Variants in VPS8 observed in about 807,000 individuals in gnomAD.
The protein encoded by VPS8 is VPS8 subunit of CORVET complex, also known as vacuolar protein sorting-associated protein 8 homolog.
In VPS8, 129 loss-of-function variants were observed where a neutral mutation model predicts 216.4. That is an observed-to-expected ratio of 0.60 (90% CI 0.52 to 0.69). VPS8 has a LOEUF of 0.69. Among genes scored for constraint, VPS8 ranks in the 30% least tolerant of loss-of-function variants. The probability of loss-of-function intolerance (pLI) is 0.00; values close to 1 mark genes in which losing one functional copy is unlikely to be tolerated. For synonymous variants in VPS8, 571 were observed against 565.4 expected (o/e 1.01, Z -0.14); for missense variants, 1,531 against 1,683.5 (o/e 0.91, Z 1.59).
chr3:184,936,163 GGTAGGTAATC>G (rs1741571040), intron 34 of VPS8, 73 bp from the exon 35 acceptor site: 1 of 1,164,600 alleles, frequency 8.6e-7, no homozygotes, highest in African/African-American at 1.5e-5. Flanking sequence ...ACTGTATTGA[GGTAGGTAATC>G]GTGCCTCACA....
At chr3:185,037,657 T>G (rs1434340430) in intron 46 of VPS8, among the ~76,000 whole-genome samples, 2 of 152,160 alleles carry the variant, frequency 1.3e-5, no homozygotes, top group Non-Finnish European at 2.9e-5. Flanking sequence ...TCTTCATTCT[T>G]TTTTCTCTCT....
chr3:184,969,880 T>G (rs1748109355), intron 39 of VPS8, among the ~76,000 whole-genome samples: 1 of 150,546 alleles, frequency 6.6e-6, no homozygotes, highest in Admixed American at 6.6e-5. Context: ...AATAGTCTCA[T>G]GCCTGCCATC....
At chr3:184,839,556 C>T in intron 6 of VPS8, 142 bp from the exon 7 acceptor site, 1 of 740,808 alleles carries the variant, frequency 1.3e-6, no homozygotes, top group Non-Finnish European at 2.1e-6. Context: ...CCCGTTTTGC[C>T]TCCTGGATGA....
chr3:185,014,337 C>T (rs1214293858), intron 45 of VPS8, among the ~76,000 whole-genome samples: 1 of 152,108 alleles, frequency 6.6e-6, no homozygotes, highest in Non-Finnish European at 1.5e-5. Flanking sequence ...TCCTCCTCAG[C>T]ATCAGTCTCG....
At chr3:184,938,649 C>CTTT (rs113635324) in intron 35 of VPS8, among the ~76,000 whole-genome samples, 1,510 of 140,726 alleles carry the variant, frequency 0.011, 30 homozygotes, top group African/African-American at 0.037. Context: ...TTCTTTTTTT[C>CTTT]TTTTTTTTTT....
At chr3:185,029,601 G>C (rs1757835149) in intron 46 of VPS8, among the ~76,000 whole-genome samples, 1 of 148,478 alleles carries the variant, frequency 6.7e-6, no homozygotes, top group Admixed American at 6.8e-5. Flanking sequence ...GTCTCACTCT[G>C]TTGCCCGGCT....
intron 37 of VPS8, among the ~76,000 whole-genome samples, chr3:184,960,232 C>T (rs1746290934): frequency 1.3e-5 from 2 of 152,110 alleles, no homozygotes; most frequent in Non-Finnish European, 2.9e-5. Context: ...TTAATCCAGT[C>T]TATCATTGTT....
intron 42 of VPS8, among the ~76,000 whole-genome samples, chr3:184,989,777 G>A (rs1413551930): frequency 6.6e-6 from 1 of 152,068 alleles, no homozygotes; most frequent in Non-Finnish European, 1.5e-5. Context: ...AATGAGTTAA[G>A]AAGTGTTCCC....
intron 45 of VPS8, among the ~76,000 whole-genome samples, chr3:185,002,615 C>G (rs377061072): frequency 6.6e-6 from 1 of 152,124 alleles, no homozygotes; most frequent in South Asian, 2.1e-4. Flanking sequence ...TCCTTCCCCC[C>G]TCCCTGAGTC....
intron 45 of VPS8, among the ~76,000 whole-genome samples, chr3:185,013,753 C>T (rs550131067): frequency 1.1e-4 from 16 of 152,162 alleles, no homozygotes; most frequent in Non-Finnish European, 1.3e-4. Flanking sequence ...GAACTCTTAC[C>T]GTACTTCTTA....
chr3:184,976,754 T>C (rs1036796569), intron 40 of VPS8, among the ~76,000 whole-genome samples: 1 of 152,214 alleles, frequency 6.6e-6, no homozygotes, highest in Non-Finnish European at 1.5e-5. Context: ...CTTAGGATAA[T>C]GGCCTCCAGC....
chr3:185,017,488 T>C (rs1755970293), intron 45 of VPS8, among the ~76,000 whole-genome samples: 1 of 152,208 alleles, frequency 6.6e-6, no homozygotes, highest in South Asian at 2.1e-4. Context: ...TACGGCACAA[T>C]CAGGAGCTGT....
Position 184,883,872 on chromosome 3 carries a change from GT to G in VPS8, c.1735-2237del. Among the ~76,000 whole-genome samples the G allele has an allele frequency of 2.0e-5, 3 of 152,210 alleles. No individual in the cohort carries two copies. In the South Asian group the frequency reaches 6.2e-4, roughly 32 times the overall value. ...CTACCTGATAATTATATTATTTGAA[GT>G]CTTGGGGTATACTACTGCCCTTTAT... On this transcript the variant is annotated intron_variant, in intron 21 of 47. Transcript: ENST00000625842.
At chr3:184,851,373 A>C (rs1577894844) in intron 10 of VPS8, among the ~76,000 whole-genome samples, 2 of 152,098 alleles carry the variant, frequency 1.3e-5, no homozygotes, top group African/African-American at 4.8e-5. Flanking sequence ...GACATCAGCC[A>C]CTTGCATTTT....
chr3:185,048,624 A>G, intron 47 of VPS8, 65 bp downstream of exon 47: 1 of 1,572,524 alleles, frequency 6.4e-7, no homozygotes, highest in Non-Finnish European at 8.7e-7. Context: ...TTAGACAGGC[A>G]GTGTCTTGGA....
At chr3:185,015,493 C>T (rs545496686) in intron 45 of VPS8, among the ~76,000 whole-genome samples, 68 of 152,312 alleles carry the variant, frequency 4.5e-4, no homozygotes, top group Non-Finnish European at 7.8e-4. Context: ...ACAAGCTCCA[C>T]CTTTTGAGGT....
intron 45 of VPS8, among the ~76,000 whole-genome samples, chr3:185,005,966 G>T (rs918301987): frequency 2.0e-5 from 3 of 152,088 alleles, no homozygotes; most frequent in African/African-American, 7.2e-5. Context: ...TCCTTGTCTT[G>T]TTGCAGTTCT....
chr3:185,020,117 T>G (rs1756433911), intron 45 of VPS8, among the ~76,000 whole-genome samples: 1 of 152,220 alleles, frequency 6.6e-6, no homozygotes, highest in Admixed American at 6.5e-5. Flanking sequence ...CAAGTTTGTG[T>G]GCCAAATATT....
intron 21 of VPS8, among the ~76,000 whole-genome samples, chr3:184,877,358 AGT>A (rs1261159517): frequency 6.6e-6 from 1 of 152,216 alleles, no homozygotes; most frequent in Non-Finnish European, 1.5e-5. Context: ...CATCTGGTTC[AGT>A]GTCCTTGATA....
Sources: gnomAD v4.1 joint callset for allele counts (sites outside exome capture counted in the v4.1 genomes callset) on GRCh38, gnomAD v4.1.1 for gene constraint, MANE v1.5 for transcripts, NCBI Gene and HGNC (gene_info 2026-07-23, HGNC 2026-07-21) for gene names.